Variants in GCKR observed in about 807,000 individuals in gnomAD.
GCKR encodes the protein glucokinase regulatory protein.
In GCKR, 73 loss-of-function variants were observed where a neutral mutation model predicts 82.9. The ratio of observed to expected loss-of-function variants is 0.88; its 90% confidence interval spans 0.73 to 1.07. GCKR has a LOEUF of 1.07. Among genes scored for constraint, GCKR ranks in the 50% least tolerant of loss-of-function variants. The probability of loss-of-function intolerance (pLI) is 0.00; values close to 1 mark genes in which losing one functional copy is unlikely to be tolerated. For synonymous variants in GCKR, 294 were observed against 291.8 expected (o/e 1.01, Z -0.08); for missense variants, 784 against 782.1 (o/e 1.00, Z -0.03).
rs1158345287 is a variant in GCKR, at chr2:27,498,773, C to A, written c.404C>A (p.Thr135Asn). Residue 135 changes from threonine to asparagine, a missense_variant, in exon 5 of 19, where the codon ACC (threonine) becomes AAC (asparagine). Physicochemically the swap from Thr to Asn is moderately conservative, Grantham distance 65 (BLOSUM62 0). Coordinates refer to ENST00000264717, the MANE Select transcript of GCKR (RefSeq NM_001486.4). ...GGTCTGGGACAGAAACCTCTTTACACCTACCTCATTGCAGGTGGTGACAGG... is the reference window on the plus strand; with the variant it reads ...GGTCTGGGACAGAAACCTCTTTACAACTACCTCATTGCAGGTGGTGACAGG... ...MKGLGQKPLY[T>N]YLIAGGDRSV... 6.2e-7 allele frequency: 1 copy of A among 1,606,052 alleles called. No homozygotes were observed. Among genetic ancestry groups the A allele is most frequent in the South Asian group, 1.1e-5 (1 of 90,888 alleles).
intron 16 of GCKR, among the ~76,000 whole-genome samples, chr2:27,510,211 G>A (rs947285866): frequency 5.3e-5 from 8 of 151,798 alleles, no homozygotes; most frequent in Non-Finnish European, 8.8e-5. Context: ...GGGTTTCACC[G>A]TGTTAGCCAG....
intron 16 of GCKR, among the ~76,000 whole-genome samples, chr2:27,513,578 A>G (rs1045892727): frequency 2.0e-5 from 3 of 150,338 alleles, no homozygotes; most frequent in African/African-American, 7.3e-5. Flanking sequence ...TCCCCGTCCT[A>G]TCTACCCTAT....
chr2:27,510,376 G>A (rs955760545), intron 16 of GCKR, among the ~76,000 whole-genome samples: 6 of 152,068 alleles, frequency 3.9e-5, no homozygotes, highest in Admixed American at 6.5e-5. Flanking sequence ...GTTTAACTCC[G>A]ATTATCAGAC....
chr2:27,500,101 G>A lies in GCKR; in HGVS notation c.549+651G>A, dbSNP rs888360430. On this transcript the variant is annotated intron_variant, in intron 7 of 18. Transcript: ENST00000264717. ...AGTTTTTGTTTTTGTTTTGGTTGTCGTTGTTGTTTTTGAGAGTCTCCCTCT... is the reference window on the plus strand; with the variant it reads ...AGTTTTTGTTTTTGTTTTGGTTGTCATTGTTGTTTTTGAGAGTCTCCCTCT... Among the ~76,000 whole-genome samples, 12 of 148,094 alleles carry A rather than the reference G, an allele frequency of 8.1e-5. No homozygotes were observed. In the East Asian group the frequency reaches 1.2e-3, roughly 15 times the overall value.
Position 27,523,465 on chromosome 2 carries a change from G to A in GCKR, c.*26G>A. 1 of 1,599,482 alleles carries A rather than the reference G, an allele frequency of 6.3e-7. No homozygotes were observed. Among genetic ancestry groups the A allele is most frequent in the Non-Finnish European group, 8.5e-7 (1 of 1,178,310 alleles). ...ACCCATGTTTCTGGGTGGGTGAAAG[G>A]GGCCCAACCCTGCCCACTTCAGCCC... On this transcript the variant is annotated 3_prime_UTR_variant, in exon 19 of 19. Transcript: ENST00000264717.
intron 8 of GCKR, among the ~76,000 whole-genome samples, chr2:27,502,549 G>C (rs1439081378): frequency 6.6e-6 from 1 of 152,154 alleles, no homozygotes; most frequent in Non-Finnish European, 1.5e-5. Flanking sequence ...ATGCCCAGCT[G>C]TGTTTAGGAA....
intron 16 of GCKR, among the ~76,000 whole-genome samples, chr2:27,514,404 C>T (rs1048341007): frequency 2.0e-5 from 3 of 152,076 alleles, no homozygotes; most frequent in African/African-American, 7.2e-5. Context: ...TCCATTCATG[C>T]CTGTAGGGAA....
rs184665589 is a variant in GCKR at position 27,518,943 on chromosome 2, G to A, written c.1572+6G>A. The A allele has an allele frequency of 5.7e-4, 428 of 746,862 alleles. 3 individuals carry two copies. Among genetic ancestry groups the A allele is most frequent in the African/African-American group, 4.9e-3 (270 of 55,542 alleles). The allele number at this position is 746,862 out of a possible 1,614,324, so 46.3% of individuals were successfully genotyped here. A position where few individuals can be genotyped will look rare whatever the true frequency, so the allele number is the denominator to read the frequency against. On this transcript the variant is annotated splice_donor_region_variant and intron_variant, in intron 17 of 18. Coordinates refer to ENST00000264717, the MANE Select transcript of GCKR (RefSeq NM_001486.4). ...GGGCGCTGGCCATGCTGCAGGTAGG[G>A]ATATGATGGGGCAGGGTTGGGTGGG...
intron 13 of GCKR, 118 bp downstream of exon 13, chr2:27,507,429 G>C: frequency 1.3e-6 from 1 of 790,480 alleles, no homozygotes; most frequent in South Asian, 1.4e-5. Context: ...CCAGAGAAGA[G>C]AATATGGGTC....
intron 10 of GCKR, among the ~76,000 whole-genome samples, chr2:27,506,157 C>T (rs1669735442): frequency 6.6e-6 from 1 of 152,110 alleles, no homozygotes; most frequent in Non-Finnish European, 1.5e-5. Context: ...AGAGCTTATC[C>T]TACTCTGGAC....
intron 17 of GCKR, among the ~76,000 whole-genome samples, chr2:27,519,924 C>G (rs1197634220): frequency 6.6e-6 from 1 of 151,970 alleles, no homozygotes; most frequent in Non-Finnish European, 1.5e-5. Flanking sequence ...CAGAGGAAAA[C>G]CAAGGTGCTG....
chr2:27,522,702 C>T, intron 18 of GCKR, 108 bp downstream of exon 18: 1 of 893,570 alleles, frequency 1.1e-6, no homozygotes, highest in African/African-American at 1.6e-5. Context: ...ACTCTGCTCA[C>T]AAGGACCTCC....
intron 16 of GCKR, among the ~76,000 whole-genome samples, chr2:27,513,114 A>G (rs1413250908): frequency 6.6e-6 from 1 of 152,132 alleles, no homozygotes; most frequent in African/African-American, 2.4e-5. Flanking sequence ...CTTTCACCCA[A>G]TGGTTTTAGC....
At chr2:27,519,010 T>C (rs542820732) in intron 17 of GCKR, 73 bp downstream of exon 17, 7 of 1,374,680 alleles carry the variant, frequency 5.1e-6, no homozygotes, top group African/African-American at 1.4e-5. Context: ...GGGCATTTTG[T>C]AGAGATATGG....
rs557076887 is a variant in GCKR, at chr2:27,519,426, C to T, written c.1572+489C>T. Among the ~76,000 whole-genome samples, 69 of 151,964 alleles carry T rather than the reference C, an allele frequency of 4.5e-4. No individual in the cohort carries two copies. The Middle Eastern group carries it at 0.017, about 37-fold the overall frequency. On this transcript the variant is annotated intron_variant, in intron 17 of 18. Coordinates refer to ENST00000264717, the MANE Select transcript of GCKR (RefSeq NM_001486.4). ...CATTGATTCTCCTGCCTCAGCCTCC[C>T]GAGTAGCTGGGATTACAGGCACCCC...
rs545061102 is a variant in GCKR, at chr2:27,520,839, C to T, written c.1573-1621C>T. 2.6e-5 allele frequency among the ~76,000 whole-genome samples: 4 copies of T among 151,828 alleles called. No individual in the cohort carries two copies. The South Asian group carries it at 6.3e-4, about 24-fold the overall frequency. ...TCACTTGAGGTCAGGAGTTCGAGAC[C>T]AGCCTGGCCAACATGGTGAAACCCC... is the stretch of plus-strand genomic sequence containing the variant. On this transcript the variant is annotated intron_variant, in intron 17 of 18. Coordinates refer to ENST00000264717, the MANE Select transcript of GCKR (RefSeq NM_001486.4).
At chr2:27,519,083 TC>T in intron 17 of GCKR, 146 bp downstream of exon 17, 1 of 694,610 alleles carries the variant, frequency 1.4e-6, no homozygotes, top group Non-Finnish European at 2.5e-6. Flanking sequence ...AGGTGCATCT[TC>T]CCCTTAAGGA....
intron 16 of GCKR, among the ~76,000 whole-genome samples, chr2:27,514,538 G>A (rs2148589968): frequency 6.6e-6 from 1 of 152,242 alleles, no homozygotes; most frequent in South Asian, 2.1e-4. Context: ...GCTTTAAGAA[G>A]ATATTCTGAA....
Position 27,497,560 on chromosome 2 carries a change from A to G in GCKR, c.217-2A>G, listed in dbSNP as rs748745657. On this transcript the variant is annotated splice_acceptor_variant, in intron 2 of 18. Coordinates refer to ENST00000264717, the MANE Select transcript of GCKR (RefSeq NM_001486.4). LOFTEE classifies it high-confidence loss of function. ...CTTCTCATTCCTGCATATTCCCTAC[A>G]GAGACTCTACAGCGAATCCATTCTG... 1.2e-6 allele frequency: 2 copies of G among 1,611,112 alleles called. No homozygotes were observed. Among genetic ancestry groups the G allele is most frequent in the East Asian group, 2.2e-5 (1 of 44,878 alleles).
Sources: allele counts gnomAD v4.1 joint callset (sites outside exome capture counted in the v4.1 genomes callset), GRCh38; gene constraint gnomAD v4.1.1; transcripts MANE v1.5; gene names NCBI Gene and HGNC (gene_info 2026-07-23, HGNC 2026-07-21).